The following PDZRN4 variants were observed in gnomAD, a reference collection of about 807,000 sequenced individuals.
The protein encoded by PDZRN4 is PDZ domain containing ring finger 4.
Under a neutral mutation model 99.0 loss-of-function variants are expected in PDZRN4, and 70 were observed. The ratio of observed to expected loss-of-function variants is 0.71; its 90% CI spans 0.58 to 0.86. The LOEUF is 0.86. Among genes scored for constraint, PDZRN4 ranks in the 40% least tolerant of loss-of-function variants. PDZRN4 has a pLI of 0.00. For synonymous variants in PDZRN4, 551 were observed against 501.6 expected, an observed-to-expected ratio of 1.10 and a Z score of -1.32; for missense variants, 1,474 against 1,331.2, an observed-to-expected ratio of 1.11 and a Z score of -1.67.
chr12:41,564,987 T>C (rs1211430212), intron 8 of PDZRN4, among the ~76,000 whole-genome samples: 1 of 152,178 alleles, frequency 6.6e-6, no homozygotes, highest in African/African-American at 2.4e-5. Flanking sequence ...GAGAACCTCA[T>C]TAATTTAGAA....
chr12:41,188,639 G>T lies in PDZRN4; in HGVS notation c.184G>T (p.Gly62Cys). ...GCTGCAGTGCCAGCCCTTGGCGCCC[G>T]GCGAGCTGTACCGGGTGCTGCCGCT... ...CPLQCQPLAP[G>C]ELYRVLPLRS... The change falls in exon 1 of 10, where the codon GGC becomes TGC. Residue 62 changes from glycine to cysteine, a missense_variant. Transcript: ENST00000402685. 1.3e-6 allele frequency: 2 copies of T among 1,541,554 alleles called. No individual in the cohort carries two copies. The highest frequency in any genetic ancestry group is 2.4e-5 in the East Asian group (1 of 41,274).
intron 3 of PDZRN4, among the ~76,000 whole-genome samples, chr12:41,327,144 C>G (rs1300474021): frequency 6.6e-6 from 1 of 152,140 alleles, no homozygotes; most frequent in East Asian, 1.9e-4. Flanking sequence ...CTCCATTTTG[C>G]TAACTTGGGG....
intron 7 of PDZRN4, 94 bp downstream of exon 7, chr12:41,555,854 T>C: frequency 2.8e-6 from 3 of 1,083,876 alleles, no homozygotes; most frequent in Non-Finnish European, 4.2e-6. Context: ...AAAGAATTTG[T>C]CTTTGCTTTT....
chr12:41,316,782 A>C (rs1439084251), intron 3 of PDZRN4, among the ~76,000 whole-genome samples: 5 of 151,702 alleles, frequency 3.3e-5, no homozygotes, highest in African/African-American at 1.2e-4. Context: ...TGATAATATC[A>C]TTTTAAATTC....
chr12:41,443,127 G>A (rs1444315393), intron 3 of PDZRN4, among the ~76,000 whole-genome samples: 1 of 152,140 alleles, frequency 6.6e-6, no homozygotes, highest in Admixed American at 6.6e-5. Context: ...ACTTTGCCAT[G>A]TGATAGTCCT....
At chr12:41,394,783 G>A (rs1342455560) in intron 3 of PDZRN4, among the ~76,000 whole-genome samples, 1 of 151,772 alleles carries the variant, frequency 6.6e-6, no homozygotes, top group Non-Finnish European at 1.5e-5. Flanking sequence ...GTAAATGAGA[G>A]AGAGAGAGAG....
At chr12:41,442,760 G>A (rs1451057506) in intron 3 of PDZRN4, among the ~76,000 whole-genome samples, 2 of 152,132 alleles carry the variant, frequency 1.3e-5, no homozygotes, top group African/African-American at 4.8e-5. Flanking sequence ...ACAAAGGAAT[G>A]TTGGTGGGGG....
intron 3 of PDZRN4, among the ~76,000 whole-genome samples, chr12:41,300,821 GT>G (rs1271261025): frequency 6.6e-6 from 1 of 151,870 alleles, no homozygotes; most frequent in East Asian, 1.9e-4. Flanking sequence ...ACTTCCTTGT[GT>G]TTTATGGAAA....
chr12:41,549,604 C>CCTG (rs1299154598), intron 5 of PDZRN4, among the ~76,000 whole-genome samples: 2 of 152,134 alleles, frequency 1.3e-5, no homozygotes, highest in African/African-American at 4.8e-5. Flanking sequence ...TCTTATGGTG[C>CCTG]CTGAAGGCTT....
At chr12:41,490,916 C>A (rs1592082280) in intron 3 of PDZRN4, among the ~76,000 whole-genome samples, 1 of 152,128 alleles carries the variant, frequency 6.6e-6, no homozygotes, top group African/African-American at 2.4e-5. Flanking sequence ...AACTCAGATT[C>A]ATATCTGAGT....
chr12:41,476,604 T>C (rs1427671269), intron 3 of PDZRN4, among the ~76,000 whole-genome samples: 1 of 152,180 alleles, frequency 6.6e-6, no homozygotes, highest in Non-Finnish European at 1.5e-5. Context: ...CCTGAAACCT[T>C]TGGTCTACTC....
intron 8 of PDZRN4, among the ~76,000 whole-genome samples, chr12:41,567,493 A>G (rs1939394644): frequency 6.6e-6 from 1 of 152,062 alleles, no homozygotes; most frequent in Non-Finnish European, 1.5e-5. Context: ...ATTATGCAGG[A>G]TGCTTTTCAT....
intron 3 of PDZRN4, among the ~76,000 whole-genome samples, chr12:41,435,585 G>A (rs981609641): frequency 1.3e-5 from 2 of 152,054 alleles, no homozygotes; most frequent in South Asian, 2.1e-4. Context: ...TCAGGAGATC[G>A]AGACCTTCCT....
chr12:41,280,247 C>T (rs147191384), intron 3 of PDZRN4, among the ~76,000 whole-genome samples: 2,197 of 152,294 alleles, frequency 0.014, 22 homozygotes, highest in Middle Eastern at 0.034. Flanking sequence ...CGGGTGCCTA[C>T]ACCACCAGGG....
intron 3 of PDZRN4, among the ~76,000 whole-genome samples, chr12:41,332,298 T>G (rs1276682018): frequency 3.1e-4 from 47 of 152,052 alleles, no homozygotes; most frequent in Non-Finnish European, 1.5e-5. Flanking sequence ...AACGTTTGCC[T>G]GTAAGTTGGA....
intron 5 of PDZRN4, among the ~76,000 whole-genome samples, chr12:41,547,497 G>A (rs533680087): frequency 3.9e-5 from 6 of 152,128 alleles, no homozygotes; most frequent in African/African-American, 1.4e-4. Context: ...GTGGTGGCAG[G>A]CACCTGTAAT....
intron 3 of PDZRN4, among the ~76,000 whole-genome samples, chr12:41,361,425 T>C (rs1951962962): frequency 6.6e-6 from 1 of 152,036 alleles, no homozygotes. Context: ...CCTGAATTGG[T>C]ATTGAGCTTG....
At chr12:41,351,980 A>AAAATAAATAAAT (rs138301663) in intron 3 of PDZRN4, among the ~76,000 whole-genome samples, 39,709 of 142,804 alleles carry the variant, frequency 0.28, 6,076 homozygotes, top group Non-Finnish European at 0.33. Context: ...CCATTGTCTC[A>AAAATAAATAAAT]AAATAAATAA....
At chr12:41,451,799 A>G (rs966158546) in intron 3 of PDZRN4, among the ~76,000 whole-genome samples, 2 of 152,162 alleles carry the variant, frequency 1.3e-5, no homozygotes, top group Admixed American at 6.5e-5. Context: ...AATATTGTCA[A>G]TGTGCTAATG....
Sources: allele counts gnomAD v4.1 joint callset (sites outside exome capture counted in the v4.1 genomes callset), GRCh38; gene constraint gnomAD v4.1.1; transcripts MANE v1.5; gene names NCBI Gene and HGNC (gene_info 2026-07-23, HGNC 2026-07-21).